Variants in B4GALT6 observed in about 807,000 individuals in gnomAD.
The protein encoded by B4GALT6 is UDP-Gal:beta-GlcNAc beta-1,4-galactosyltransferase 6.
B4GALT6 carries 14 observed loss-of-function variants against 46.3 expected under a neutral mutation model. The ratio of observed to expected loss-of-function variants is 0.30; its 90% CI spans 0.20 to 0.47. B4GALT6 has a LOEUF of 0.47. Among genes scored for constraint, B4GALT6 ranks in the 20% least tolerant of loss-of-function variants. The pLI, the probability that B4GALT6 is intolerant of heterozygous loss-of-function variation, is 0.99. For synonymous variants in B4GALT6, 168 were observed against 162.0 expected (o/e 1.04, Z -0.28); for missense variants, 386 against 480.1 (o/e 0.80, Z 1.83).
At chr18:31,681,802 G>A (rs1421173684) in intron 1 of B4GALT6, among the ~76,000 whole-genome samples, 1 of 151,984 alleles carries the variant, frequency 6.6e-6, no homozygotes, top group African/African-American at 2.4e-5. Context: ...AGGATTAATA[G>A]GAATTTCTTA....
chr18:31,653,020 C>CT (rs766019120), intron 3 of B4GALT6, among the ~76,000 whole-genome samples: 1,617 of 141,430 alleles, frequency 0.011, 19 homozygotes, highest in African/African-American at 0.028. Context: ...TTTATTTTTG[C>CT]TTTTTTTTTT....
intron 1 of B4GALT6, among the ~76,000 whole-genome samples, chr18:31,679,615 A>T (rs892651518): frequency 8.5e-5 from 13 of 152,226 alleles, no homozygotes; most frequent in African/African-American, 3.1e-4. Context: ...TTTATTACTC[A>T]GATGTGTTGG....
At chr18:31,681,989 T>G (rs1341224694) in intron 1 of B4GALT6, among the ~76,000 whole-genome samples, 1 of 152,224 alleles carries the variant, frequency 6.6e-6, no homozygotes, top group African/African-American at 2.4e-5. Flanking sequence ...TATAAGAACC[T>G]AATTACTTCT....
chr18:31,680,498 A>G (rs2074467955), intron 1 of B4GALT6, among the ~76,000 whole-genome samples: 1 of 152,160 alleles, frequency 6.6e-6, no homozygotes. Flanking sequence ...ACTCAGCCAG[A>G]TAATTCCTCC....
chr18:31,631,943 G>A (rs897892336), intron 5 of B4GALT6, among the ~76,000 whole-genome samples: 3 of 151,852 alleles, frequency 2.0e-5, no homozygotes, highest in Admixed American at 6.6e-5. Context: ...CATTTTTAAG[G>A]GACAAAAAAT....
the B4GALT6 span, among the ~76,000 whole-genome samples, chr18:31,716,325 A>C: frequency 3.3e-5 from 5 of 152,246 alleles, no homozygotes; most frequent in Non-Finnish European, 5.9e-5. Flanking sequence ...TTCAAACTGG[A>C]TAATGCAATC....
intron 2 of B4GALT6, among the ~76,000 whole-genome samples, chr18:31,662,320 A>G (rs368645964): frequency 2.1e-4 from 32 of 152,084 alleles, no homozygotes; most frequent in Non-Finnish European, 4.1e-4. Context: ...CTCCTTCAGT[A>G]CTCTGTCCGG....
chr18:31,719,763 C>T, the B4GALT6 span, among the ~76,000 whole-genome samples: 1 of 152,024 alleles, frequency 6.6e-6, no homozygotes, highest in Non-Finnish European at 1.5e-5. Flanking sequence ...CATAGCGGAT[C>T]AAAGTGAGTT....
At chr18:31,686,133 T>C (rs761164257), upstream of B4GALT6, 1 of 152,260 alleles carries the variant, frequency 6.6e-6, no homozygotes, top group Non-Finnish European at 1.5e-5. Context: ...TATCACATTG[T>C]TCAAATGTGT....
intron 1 of B4GALT6, among the ~76,000 whole-genome samples, chr18:31,670,057 CTTT>C (rs534836152): frequency 6.9e-5 from 10 of 143,930 alleles, no homozygotes; most frequent in Non-Finnish European, 1.1e-4. Flanking sequence ...AAATGATGAT[CTTT>C]TTTTTTTTTT....
At chr18:31,695,196 G>A in the B4GALT6 span, among the ~76,000 whole-genome samples, 1 of 151,710 alleles carries the variant, frequency 6.6e-6, no homozygotes, top group Admixed American at 6.6e-5. Flanking sequence ...ACGGGTAGCA[G>A]GAGGAAAACT....
At chr18:31,640,433 G>A (rs1287679701) in intron 4 of B4GALT6, among the ~76,000 whole-genome samples, 1 of 152,074 alleles carries the variant, frequency 6.6e-6, no homozygotes, top group Non-Finnish European at 1.5e-5. Context: ...TTTATAAAGA[G>A]AACAAAAAAT....
intron 3 of B4GALT6, among the ~76,000 whole-genome samples, chr18:31,649,593 A>T (rs547504989): frequency 7.4e-6 from 1 of 134,644 alleles, no homozygotes; most frequent in East Asian, 2.1e-4. Context: ...AAAAAAAAAA[A>T]ATGAGCAAAA....
chr18:31,645,556 G>A (rs1029791702), intron 3 of B4GALT6, 77 bp from the exon 4 acceptor site: 23 of 1,439,374 alleles, frequency 1.6e-5, no homozygotes, highest in African/African-American at 8.6e-5. Flanking sequence ...ATAATCAGCA[G>A]GGTGATGGCA....
Position 31,654,311 on chromosome 18 carries a change from A to T in B4GALT6, c.346+3665T>A, listed in dbSNP as rs141640528. Among the ~76,000 whole-genome samples the T allele has an allele frequency of 5.8e-4, 88 of 152,340 alleles. 1 individual carries two copies. The East Asian group carries it at 0.014, about 25-fold the overall frequency. On this transcript the variant is annotated intron_variant, in intron 3 of 8. Transcript: ENST00000306851. ...TAAAATCAAAACATCCACACTAAGCACTTATTAATTTTTAGCCTTAGACAA... is the reference window on the plus strand; with the variant it reads ...TAAAATCAAAACATCCACACTAAGCTCTTATTAATTTTTAGCCTTAGACAA...
At chr18:31,661,217 T>A (rs2074211558) in intron 2 of B4GALT6, among the ~76,000 whole-genome samples, 1 of 152,200 alleles carries the variant, frequency 6.6e-6, no homozygotes, top group Non-Finnish European at 1.5e-5. Flanking sequence ...GTGACATAAT[T>A]ATATTGGGGA....
chr18:31,722,877 T>C, the B4GALT6 span, among the ~76,000 whole-genome samples: 2 of 152,162 alleles, frequency 1.3e-5, no homozygotes, highest in Non-Finnish European at 2.9e-5. Context: ...ATTACTCAAT[T>C]TGGGTCAAAA....
chr18:31,648,185 T>A (rs558059892), intron 3 of B4GALT6, among the ~76,000 whole-genome samples: 1 of 151,334 alleles, frequency 6.6e-6, no homozygotes, highest in Non-Finnish European at 1.5e-5. Context: ...TGAGATTGGT[T>A]GTTGTTGTTC....
chr18:31,689,596 T>A (rs2030039918), upstream of B4GALT6, among the ~76,000 whole-genome samples: 2 of 151,972 alleles, frequency 1.3e-5, no homozygotes, highest in South Asian at 4.2e-4. Flanking sequence ...TATAAAAAAT[T>A]AGCTGGGCAT....
Sources: allele counts gnomAD v4.1 joint callset (sites outside exome capture counted in the v4.1 genomes callset), GRCh38; gene constraint gnomAD v4.1.1; transcripts MANE v1.5; gene names NCBI Gene and HGNC (gene_info 2026-07-23, HGNC 2026-07-21).